DIAPH2: variants seen among roughly 807,000 people sequenced by gnomAD.
DIAPH2 encodes the protein protein diaphanous homolog 2.
Under a neutral mutation model 92.7 loss-of-function variants are expected in DIAPH2, and 35 were observed. The ratio of observed to expected loss-of-function variants is 0.38; its 90% CI spans 0.29 to 0.50. The LOEUF (loss-of-function observed/expected upper bound fraction) is 0.50. DIAPH2 is among the 20% of genes least tolerant of loss of function. The pLI, the probability that DIAPH2 is intolerant of heterozygous loss-of-function variation, is 0.94. For synonymous variants in DIAPH2, 301 were observed against 280.4 expected (o/e 1.07, Z -0.73); for missense variants, 701 against 819.5 (o/e 0.86, Z 1.77).
intron 22 of DIAPH2, among the ~76,000 whole-genome samples, chrX:97,245,143 G>C (rs1472375078): frequency 1.9e-5 from 2 of 106,828 alleles, no homozygotes; most frequent in Non-Finnish European, 3.9e-5. Context: ...TTTGTTTTTT[G>C]TTTTTTTCTT....
chrX:97,415,862 A>G (rs1339093439), intron 25 of DIAPH2, among the ~76,000 whole-genome samples: 1 of 111,646 alleles, frequency 9.0e-6, no homozygotes, highest in Non-Finnish European at 1.9e-5. Flanking sequence ...TTAAGAAAAA[A>G]AAATAGTGAG....
chrX:97,097,771 C>A (rs1468330120), intron 19 of DIAPH2, among the ~76,000 whole-genome samples: 1 of 111,093 alleles, frequency 9.0e-6, no homozygotes, highest in Non-Finnish European at 1.9e-5. Context: ...AACATACATA[C>A]TTCACACAAA....
chrX:97,257,456 A>G (rs1241504153), intron 23 of DIAPH2, among the ~76,000 whole-genome samples: 2 of 111,637 alleles, frequency 1.8e-5, no homozygotes, highest in Non-Finnish European at 3.8e-5. Flanking sequence ...AACGGTAACA[A>G]ACCCTCTTTA....
At chrX:97,013,400 A>G (rs1252817738) in intron 17 of DIAPH2, among the ~76,000 whole-genome samples, 1 of 111,853 alleles carries the variant, frequency 8.9e-6, no homozygotes, top group African/African-American at 3.3e-5. Flanking sequence ...TGCTCATTGA[A>G]CACAGAAAGA....
chrX:96,786,214 G>C (rs2064456036), intron 4 of DIAPH2, among the ~76,000 whole-genome samples: 1 of 111,857 alleles, frequency 8.9e-6, no homozygotes, highest in Admixed American at 9.5e-5. Flanking sequence ...CTATTATGTA[G>C]TATTAAAGTT....
At chrX:97,573,396 A>G (rs2071381909) in intron 26 of DIAPH2, among the ~76,000 whole-genome samples, 1 of 111,186 alleles carries the variant, frequency 9.0e-6, no homozygotes, top group African/African-American at 3.3e-5. Flanking sequence ...TTGGTGCCCT[A>G]TCCCTACCTA....
At chrX:97,511,150 T>G (rs1041089382) in intron 26 of DIAPH2, among the ~76,000 whole-genome samples, 1 of 96,032 alleles carries the variant, frequency 1.0e-5, no homozygotes, top group African/African-American at 3.7e-5. Flanking sequence ...GAGCATGGAA[T>G]GTTCTTCCAT....
At chrX:97,138,054 A>G (rs1467083312) in intron 21 of DIAPH2, among the ~76,000 whole-genome samples, 2 of 111,783 alleles carry the variant, frequency 1.8e-5, no homozygotes, top group African/African-American at 6.5e-5. Context: ...ATAGGCTTAC[A>G]TCTCATCAGA....
intron 24 of DIAPH2, among the ~76,000 whole-genome samples, chrX:97,355,174 C>G (rs1238932563): frequency 8.9e-6 from 1 of 111,825 alleles, no homozygotes; most frequent in African/African-American, 3.2e-5. Flanking sequence ...TACAAGGCCT[C>G]AGTCATGTCT....
At chrX:97,238,036 C>T (rs1433935884) in intron 22 of DIAPH2, among the ~76,000 whole-genome samples, 4 of 112,000 alleles carry the variant, frequency 3.6e-5, no homozygotes, top group Non-Finnish European at 7.5e-5. Flanking sequence ...AAAAATCACG[C>T]ATAGTATTTG....
At chrX:96,983,002 T>C (rs2066007347) in intron 17 of DIAPH2, among the ~76,000 whole-genome samples, 1 of 111,027 alleles carries the variant, frequency 9.0e-6, no homozygotes, top group Admixed American at 9.7e-5. Flanking sequence ...TAGCAGTTCC[T>C]GAGAAGACTT....
chrX:96,965,029 G>A (rs1602671323), intron 16 of DIAPH2, 64 bp from the exon 17 acceptor site: 2 of 1,085,071 alleles, frequency 1.8e-6, no homozygotes, highest in Non-Finnish European at 2.4e-6. Context: ...CTGAAAGTTA[G>A]TTCCTTGAAA....
chrX:96,921,069 CTT>C (rs2065539345), intron 9 of DIAPH2, among the ~76,000 whole-genome samples: 1 of 111,588 alleles, frequency 9.0e-6, no homozygotes, highest in Admixed American at 9.5e-5. Flanking sequence ...AACAGAATGA[CTT>C]TTCTATTTCT....
chrX:96,993,336 T>G (rs5920660), intron 17 of DIAPH2, among the ~76,000 whole-genome samples: 4,441 of 112,075 alleles, frequency 0.04, 103 homozygotes, highest in Middle Eastern at 0.083. Flanking sequence ...GGATGTGTAT[T>G]AGTTCGTTCT....
chrX:96,911,977 A>T (rs1354972273), intron 5 of DIAPH2, among the ~76,000 whole-genome samples: 1 of 111,963 alleles, frequency 8.9e-6, no homozygotes, highest in Non-Finnish European at 1.9e-5. Context: ...AAGGGTAGTG[A>T]TGTTATTAAT....
intron 4 of DIAPH2, among the ~76,000 whole-genome samples, chrX:96,853,072 C>T (rs966624165): frequency 2.7e-5 from 3 of 111,354 alleles, no homozygotes; most frequent in Non-Finnish European, 5.7e-5. Flanking sequence ...ATGGAGGAAT[C>T]AAGATTTGAC....
intron 24 of DIAPH2, among the ~76,000 whole-genome samples, chrX:97,351,156 G>A (rs2069208882): frequency 8.9e-6 from 1 of 112,360 alleles, no homozygotes; most frequent in African/African-American, 3.2e-5. Context: ...GAACGTGGGT[G>A]GGACATATAA....
At chrX:97,026,995 T>C (rs2147875510) in intron 17 of DIAPH2, among the ~76,000 whole-genome samples, 1 of 112,123 alleles carries the variant, frequency 8.9e-6, no homozygotes, top group South Asian at 3.7e-4. Flanking sequence ...TTTTATCTCA[T>C]AATTTATTTT....
intron 21 of DIAPH2, among the ~76,000 whole-genome samples, chrX:97,133,880 G>A (rs1223810388): frequency 8.9e-6 from 1 of 112,015 alleles, no homozygotes; most frequent in Non-Finnish European, 1.9e-5. Context: ...GTCAAGCAAG[G>A]CATTAGGTTA....
Sources: allele counts gnomAD v4.1 joint callset (sites outside exome capture counted in the v4.1 genomes callset), GRCh38; gene constraint gnomAD v4.1.1; transcripts MANE v1.5; gene names NCBI Gene and HGNC (gene_info 2026-07-23, HGNC 2026-07-21).